Variants in PPP2R3A observed in about 807,000 individuals in gnomAD.
The protein encoded by PPP2R3A is protein phosphatase 2 regulatory subunit B''alpha.
A neutral mutation model predicts 106.9 loss-of-function variants in PPP2R3A; 80 were observed. The ratio of observed to expected loss-of-function variants is 0.75; its 90% confidence interval spans 0.62 to 0.90. The LOEUF (loss-of-function observed/expected upper bound fraction) is 0.90. Among genes scored for constraint, PPP2R3A ranks in the 40% least tolerant of loss-of-function variants. The pLI is 0.00. For synonymous variants in PPP2R3A, 483 were observed against 468.3 expected (o/e 1.03, Z -0.41); for missense variants, 1,386 against 1,350.4 (o/e 1.03, Z -0.41).
At chr3:136,116,328 C>T (rs993498412) in intron 13 of PPP2R3A, among the ~76,000 whole-genome samples, 3 of 152,162 alleles carry the variant, frequency 2.0e-5, no homozygotes, top group African/African-American at 7.2e-5. Context: ...AAAGAAACTG[C>T]ATCAACTAAC....
At chr3:136,097,825 A>G (rs1252226739) in intron 10 of PPP2R3A, among the ~76,000 whole-genome samples, 1 of 152,222 alleles carries the variant, frequency 6.6e-6, no homozygotes, top group Non-Finnish European at 1.5e-5. Flanking sequence ...ACTTAAAAAA[A>G]AAAGTCCCAA....
At chr3:136,126,173 C>T (rs1030206356) in intron 13 of PPP2R3A, among the ~76,000 whole-genome samples, 18 of 152,350 alleles carry the variant, frequency 1.2e-4, no homozygotes, top group African/African-American at 4.3e-4. Context: ...AGGGCAAGCA[C>T]CTCACCCAGG....
At chr3:136,077,725 A>G (rs1435306415) in intron 6 of PPP2R3A, among the ~76,000 whole-genome samples, 1 of 152,012 alleles carries the variant, frequency 6.6e-6, no homozygotes, top group Non-Finnish European at 1.5e-5. Flanking sequence ...ATCTAGACAC[A>G]TTTGCTTCTT....
chr3:136,087,245 G>GTCTCTCTCCCTC (rs1936965570), intron 8 of PPP2R3A, among the ~76,000 whole-genome samples: 1 of 75,078 alleles, frequency 1.3e-5, no homozygotes, highest in African/African-American at 4.6e-5. Context: ...CTCTAGTCGT[G>GTCTCTCTCCCTC]TCTCTCTCTC....
At position 136,095,657 on chromosome 3, in the gene PPP2R3A, T is replaced by G. The variant is rs58836413; in HGVS notation, c.2927+4990T>G. ...TGTAGACTCCCTAAAAGAGAGTTCTTTTTGTGTCATGAAATTGCTTGTTGC... is the reference window on the plus strand; with the variant it reads ...TGTAGACTCCCTAAAAGAGAGTTCTGTTTGTGTCATGAAATTGCTTGTTGC... On this transcript the variant is annotated intron_variant, in intron 10 of 13. Coordinates refer to ENST00000264977, the MANE Select transcript of PPP2R3A (RefSeq NM_002718.5). Among the ~76,000 whole-genome samples, 1,493 of 152,286 alleles carry G rather than the reference T, an allele frequency of 9.8e-3. 15 individuals are homozygous for G. Among genetic ancestry groups the G allele is most frequent in the African/African-American group, 0.034 (1,433 of 41,556 alleles).
At chr3:136,133,681 C>A (rs1263683439) in intron 13 of PPP2R3A, among the ~76,000 whole-genome samples, 3 of 151,900 alleles carry the variant, frequency 2.0e-5, no homozygotes, top group African/African-American at 7.2e-5. Flanking sequence ...TAGCTCAAAA[C>A]TGGAAATAAT....
At chr3:136,100,180 A>G (rs1937322856) in intron 10 of PPP2R3A, among the ~76,000 whole-genome samples, 2 of 152,142 alleles carry the variant, frequency 1.3e-5, no homozygotes, top group African/African-American at 2.4e-5. Flanking sequence ...ACTTCTCATC[A>G]ATACTGGATA....
At chr3:135,966,201 G>T (rs984743156) in intron 1 of PPP2R3A, among the ~76,000 whole-genome samples, 1 of 152,184 alleles carries the variant, frequency 6.6e-6, no homozygotes, top group African/African-American at 2.4e-5. Context: ...CAGTTCGCCC[G>T]CACAGCCCTC....
intron 13 of PPP2R3A, among the ~76,000 whole-genome samples, chr3:136,137,517 G>T: frequency 9.1e-6 from 1 of 110,012 alleles, no homozygotes; most frequent in African/African-American, 3.1e-5. Context: ...AAAAATATAT[G>T]AATTACTCTG....
At chr3:136,078,921 A>C (rs190712145) in intron 7 of PPP2R3A, among the ~76,000 whole-genome samples, 1 of 152,320 alleles carries the variant, frequency 6.6e-6, no homozygotes, top group African/African-American at 2.4e-5. Flanking sequence ...TCATTCAATT[A>C]TTTTATTCAT....
At chr3:136,080,519 G>T (rs1936749299) in intron 7 of PPP2R3A, among the ~76,000 whole-genome samples, 1 of 152,070 alleles carries the variant, frequency 6.6e-6, no homozygotes, top group South Asian at 2.1e-4. Flanking sequence ...CAATCCAGTG[G>T]GTAAAAATAA....
rs531140421 is a variant in PPP2R3A at position 136,092,295 on chromosome 3, A to G, written c.2927+1628A>G. 3.3e-5 allele frequency among the ~76,000 whole-genome samples: 5 copies of G among 152,298 alleles called. No homozygotes were observed. In the East Asian group the frequency reaches 9.6e-4, roughly 29 times the overall value. ...CAGTGAGCTGAGATCGCACCATTGC[A>G]CTACAGCCTGGGTGACAAGAGCAAA... On this transcript the variant is annotated intron_variant, in intron 10 of 13. Coordinates refer to ENST00000264977, the MANE Select transcript of PPP2R3A (RefSeq NM_002718.5).
intron 1 of PPP2R3A, among the ~76,000 whole-genome samples, chr3:135,988,004 A>G (rs1932994198): frequency 6.6e-6 from 1 of 152,128 alleles, no homozygotes; most frequent in African/African-American, 2.4e-5. Context: ...CTTTAAAAAA[A>G]GACTCCCAAA....
intron 1 of PPP2R3A, among the ~76,000 whole-genome samples, chr3:135,970,028 G>T (rs1937199383): frequency 6.6e-6 from 1 of 152,178 alleles, no homozygotes; most frequent in Non-Finnish European, 1.5e-5. Context: ...TTCTCATCTT[G>T]GTTGCACATT....
At chr3:136,000,822 A>C (rs1264192555) in intron 1 of PPP2R3A, among the ~76,000 whole-genome samples, 1 of 152,214 alleles carries the variant, frequency 6.6e-6, no homozygotes, top group African/African-American at 2.4e-5. Flanking sequence ...GGCAAGGAGC[A>C]TGCAATAAGA....
chr3:136,074,052 ACT>A lies in PPP2R3A; in HGVS notation c.2544+3503_2544+3504del, dbSNP rs1304527466. Among the ~76,000 whole-genome samples, 26 of 152,282 alleles carry A rather than the reference ACT, an allele frequency of 1.7e-4. No individual in the cohort carries two copies. The East Asian group carries it at 4.8e-3, about 28-fold the overall frequency. The stretch of plus-strand genomic sequence containing the variant: ...AAAAAGCAAAATCAGTTACCATGTG[ACT>A]CTATTGAATGTTATATAATCTTCGT... On this transcript the variant is annotated intron_variant, in intron 6 of 13. Transcript: ENST00000264977.
At chr3:135,987,797 G>C (rs1163920580) in intron 1 of PPP2R3A, among the ~76,000 whole-genome samples, 1 of 152,166 alleles carries the variant, frequency 6.6e-6, no homozygotes, top group African/African-American at 2.4e-5. Flanking sequence ...TCAATTGGCT[G>C]TATTTCAAGT....
At chr3:136,089,518 T>TA (rs1325722109) in intron 9 of PPP2R3A, among the ~76,000 whole-genome samples, 1 of 152,096 alleles carries the variant, frequency 6.6e-6, no homozygotes, top group Non-Finnish European at 1.5e-5. Context: ...GGTACTATGA[T>TA]ACCTCTCGCT....
At chr3:136,040,363 A>G (rs1476856364) in intron 3 of PPP2R3A, among the ~76,000 whole-genome samples, 2 of 152,106 alleles carry the variant, frequency 1.3e-5, no homozygotes, top group Non-Finnish European at 2.9e-5. Flanking sequence ...AACATGGTGA[A>G]ATTCCATCTC....
Sources: allele counts gnomAD v4.1 joint callset (sites outside exome capture counted in the v4.1 genomes callset), GRCh38; gene constraint gnomAD v4.1.1; transcripts MANE v1.5; gene names NCBI Gene and HGNC (gene_info 2026-07-23, HGNC 2026-07-21).